LRP1B: variants seen among roughly 807,000 people sequenced by gnomAD.
The protein encoded by LRP1B is low-density lipoprotein receptor-related protein 1B.
A neutral mutation model predicts 556.6 loss-of-function variants in LRP1B; 217 were observed. The observed-to-expected ratio is 0.39, with a 90% confidence interval of 0.35 to 0.44. LRP1B has a LOEUF of 0.44. Ranked by LOEUF, LRP1B falls within the 20% of genes least tolerant of loss-of-function variation. The probability of loss-of-function intolerance (pLI) is 1.00; values close to 1 mark genes in which losing one functional copy is unlikely to be tolerated. For missense variants in LRP1B, 5,053 were observed against 5,620.8 expected, an observed-to-expected ratio of 0.90 and a Z score of 3.23; for synonymous variants, 2,047 against 1,865.8, an observed-to-expected ratio of 1.10 and a Z score of -2.50.
At chr2:141,507,065 A>C (rs1265082133) in intron 2 of LRP1B, among the ~76,000 whole-genome samples, 1 of 152,150 alleles carries the variant, frequency 6.6e-6, no homozygotes, top group East Asian at 1.9e-4. Flanking sequence ...TTGTATGTTC[A>C]TCGGAAGGGT....
chr2:140,932,028 G>GA (rs555940742), intron 20 of LRP1B, among the ~76,000 whole-genome samples: 373 of 152,088 alleles, frequency 2.5e-3, no homozygotes, highest in African/African-American at 8.5e-3. Context: ...TATTTTCTAG[G>GA]AAAAAACTGA....
intron 87 of LRP1B, among the ~76,000 whole-genome samples, chr2:140,245,230 T>C (rs949409506): frequency 6.6e-6 from 1 of 151,412 alleles, no homozygotes; most frequent in Non-Finnish European, 1.5e-5. Flanking sequence ...CCCTATTTGA[T>C]GTTCTTTACT....
Position 140,702,551 on chromosome 2 carries a change from A to T in LRP1B, c.6026T>A (p.Leu2009His). 1 of 1,612,976 alleles carries T rather than the reference A, an allele frequency of 6.2e-7. No homozygotes were observed. Among genetic ancestry groups the T allele is most frequent in the South Asian group, 1.1e-5 (1 of 91,048 alleles). The change falls in exon 38 of 91, where the codon CTC becomes CAC. Residue 2009 changes from leucine to histidine, a missense_variant and splice_region_variant. By Grantham distance (99) the Leu-to-His change is moderately conservative. Coordinates refer to ENST00000389484, the MANE Select transcript of LRP1B (RefSeq NM_018557.3). Reference protein sequence around the residue: ...RSIAVHPEKGLLFWTEWGQMP... With the variant: ...RSIAVHPEKGHLFWTEWGQMP... The stretch of plus-strand genomic sequence containing the variant: ...TTGTCCCCATTCAGTCCAGAACAAG[A>T]GGCTGAAATTAAATTGTTAATTTGT...
At chr2:141,161,933 A>G (rs1680051704) in intron 7 of LRP1B, among the ~76,000 whole-genome samples, 1 of 152,120 alleles carries the variant, frequency 6.6e-6, no homozygotes, top group African/African-American at 2.4e-5. Context: ...GAAAGAAGCC[A>G]TTTGTCTCTG....
intron 35 of LRP1B, among the ~76,000 whole-genome samples, chr2:140,761,258 A>G (rs1688910757): frequency 6.6e-6 from 1 of 152,204 alleles, no homozygotes; most frequent in African/African-American, 2.4e-5. Flanking sequence ...ATACAGGAAC[A>G]TCACTGATAT....
At chr2:140,820,181 C>T (rs1273598568) in intron 31 of LRP1B, among the ~76,000 whole-genome samples, 3 of 152,030 alleles carry the variant, frequency 2.0e-5, no homozygotes, top group African/African-American at 4.8e-5. Flanking sequence ...GGCTTTGCCA[C>T]ATTGGCCAGG....
chr2:141,674,949 A>C (rs1321066467), intron 2 of LRP1B, among the ~76,000 whole-genome samples: 1 of 152,056 alleles, frequency 6.6e-6, no homozygotes, highest in Non-Finnish European at 1.5e-5. Context: ...AACGCTGGCT[A>C]CTATTAACAT....
At chr2:141,544,338 T>C (rs529137568) in intron 2 of LRP1B, among the ~76,000 whole-genome samples, 268 of 66,690 alleles carry the variant, frequency 4.0e-3, no homozygotes, top group African/African-American at 0.016. Flanking sequence ...CTTCTTCTTC[T>C]TCTTCTTCTT....
At chr2:141,045,480 T>C (rs191295613) in intron 11 of LRP1B, among the ~76,000 whole-genome samples, 2 of 152,146 alleles carry the variant, frequency 1.3e-5, no homozygotes, top group Middle Eastern at 3.4e-3. Context: ...TCTATCTTGT[T>C]CTGTTAGAGA....
chr2:141,126,580 CT>C (rs1701218482), intron 7 of LRP1B, among the ~76,000 whole-genome samples: 1 of 152,078 alleles, frequency 6.6e-6, no homozygotes, highest in African/African-American at 2.4e-5. Flanking sequence ...GTCCCCAAAA[CT>C]TTTTCTGCTT....
chr2:142,086,247 T>C (rs372389393), intron 1 of LRP1B, among the ~76,000 whole-genome samples: 1 of 152,178 alleles, frequency 6.6e-6, no homozygotes, highest in Non-Finnish European at 1.5e-5. Flanking sequence ...ATGAACCTAC[T>C]TAGCATCCTT....
intron 2 of LRP1B, among the ~76,000 whole-genome samples, chr2:141,496,395 C>G (rs1332569763): frequency 6.6e-6 from 1 of 151,970 alleles, no homozygotes; most frequent in Non-Finnish European, 1.5e-5. Flanking sequence ...GGTTCCCAGG[C>G]AATGTCGGTG....
At chr2:141,182,641 C>G (rs902132331) in intron 7 of LRP1B, among the ~76,000 whole-genome samples, 3 of 151,888 alleles carry the variant, frequency 2.0e-5, no homozygotes, top group Non-Finnish European at 4.4e-5. Flanking sequence ...ATTGGAATAT[C>G]TTAATTTTTC....
intron 23 of LRP1B, among the ~76,000 whole-genome samples, chr2:140,892,758 G>C (rs12989752): frequency 0.13 from 19,989 of 152,098 alleles, 1,574 homozygotes; most frequent in Admixed American, 0.17. Context: ...GGGGCAACTT[G>C]AGTGTATTGA....
At chr2:141,497,715 T>C (rs754515629) in intron 2 of LRP1B, among the ~76,000 whole-genome samples, 32 of 152,042 alleles carry the variant, frequency 2.1e-4, no homozygotes, top group Non-Finnish European at 2.8e-4. Context: ...GCCTGAACTT[T>C]AGCGCAAATC....
chr2:141,282,513 G>GTATATGTATATGTATATC (rs1397553614), intron 3 of LRP1B, among the ~76,000 whole-genome samples: 61 of 148,576 alleles, frequency 4.1e-4, no homozygotes, highest in African/African-American at 1.1e-3. Context: ...ATATGTATAT[G>GTATATGTATATGTATATC]TATATCTATA....
intron 3 of LRP1B, among the ~76,000 whole-genome samples, chr2:141,403,534 T>C (rs1573906159): frequency 6.6e-6 from 1 of 152,114 alleles, no homozygotes; most frequent in East Asian, 1.9e-4. Flanking sequence ...CATATGTAGA[T>C]GGAGTTTGTG....
intron 7 of LRP1B, among the ~76,000 whole-genome samples, chr2:141,103,847 T>C (rs1294370731): frequency 6.6e-6 from 1 of 151,876 alleles, no homozygotes; most frequent in Non-Finnish European, 1.5e-5. Context: ...TCTGGTGGTT[T>C]TGGTTTTAGC....
chr2:142,055,151 A>C (rs1900933), intron 1 of LRP1B, among the ~76,000 whole-genome samples: 65,514 of 151,958 alleles, frequency 0.43, 16,046 homozygotes, highest in East Asian at 0.68. Context: ...CTAAGGGTCT[A>C]GAGGCAAACA....
Sources: allele counts gnomAD v4.1 joint callset (sites outside exome capture counted in the v4.1 genomes callset), GRCh38; gene constraint gnomAD v4.1.1; transcripts MANE v1.5; gene names NCBI Gene and HGNC (gene_info 2026-07-23, HGNC 2026-07-21).